The following VDAC2 variants were observed in gnomAD, a reference collection of about 807,000 sequenced individuals.
VDAC2 encodes voltage dependent anion channel 2, also known as non-selective voltage-gated ion channel VDAC2.
VDAC2 carries 6 observed loss-of-function variants against 36.6 expected under a neutral mutation model. The observed-to-expected ratio is 0.16, with a 90% CI of 0.09 to 0.32. The LOEUF (loss-of-function observed/expected upper bound fraction) is 0.32, where lower values mean the gene tolerates loss of function less well. Ranked by LOEUF, VDAC2 falls within the 10% of genes least tolerant of loss-of-function variation. The pLI is 1.00. For missense variants in VDAC2, 247 were observed against 346.0 expected (o/e 0.71, Z 2.27); for synonymous variants, 109 against 123.8 (o/e 0.88, Z 0.79).
rs1353199255 is a variant in VDAC2, at chr10:75,216,002, G to A, written c.150+1932G>A. Among the ~76,000 whole-genome samples, 3 of 152,344 alleles carry A rather than the reference G, an allele frequency of 2.0e-5. No homozygotes were observed. The East Asian group carries it at 5.8e-4, about 29-fold the overall frequency. ...ATTACAGGCGTGAGCCACAGCGCTAGCCCTGTAGTTTAAAAGCCTAGGCCT... is the reference window on the plus strand; with the variant it reads ...ATTACAGGCGTGAGCCACAGCGCTAACCCTGTAGTTTAAAAGCCTAGGCCT... On this transcript the variant is annotated intron_variant, in intron 4 of 9. Coordinates refer to ENST00000332211, the MANE Select transcript of VDAC2 (RefSeq NM_001391963.1).
At chr10:75,214,612 C>T (rs2132255624) in intron 4 of VDAC2, among the ~76,000 whole-genome samples, 1 of 152,216 alleles carries the variant, frequency 6.6e-6, no homozygotes, top group South Asian at 2.1e-4. Flanking sequence ...GCAACCTCCG[C>T]CTCCTGAGTT....
At chr10:75,216,247 C>T (rs1458631964) in intron 4 of VDAC2, among the ~76,000 whole-genome samples, 1 of 152,100 alleles carries the variant, frequency 6.6e-6, no homozygotes, top group Non-Finnish European at 1.5e-5. Flanking sequence ...AAGATTCAGT[C>T]CTTGTGTTTA....
chr10:75,212,770 C>T (rs1426165970), intron 3 of VDAC2, among the ~76,000 whole-genome samples: 1 of 152,198 alleles, frequency 6.6e-6, no homozygotes, highest in Admixed American at 6.5e-5. Context: ...TTACAGTCTA[C>T]ATCCCCCTCC....
intron 8 of VDAC2, among the ~76,000 whole-genome samples, chr10:75,223,782 G>A (rs1199600483): frequency 2.6e-5 from 4 of 152,112 alleles, no homozygotes; most frequent in Non-Finnish European, 5.9e-5. Context: ...TGGGGAGAGG[G>A]GCTGTAGGTT....
At chr10:75,213,649 C>CA (rs952780713) in intron 3 of VDAC2, among the ~76,000 whole-genome samples, 14 of 152,132 alleles carry the variant, frequency 9.2e-5, no homozygotes, top group Non-Finnish European at 2.1e-4. Context: ...GAGACTGAGG[C>CA]AGGAGAATCG....
At chr10:75,217,174 T>C (rs1164201783) in intron 4 of VDAC2, among the ~76,000 whole-genome samples, 1 of 152,136 alleles carries the variant, frequency 6.6e-6, no homozygotes, top group Non-Finnish European at 1.5e-5. Flanking sequence ...GGAGGATCGC[T>C]TGAGCCCAGG....
intron 4 of VDAC2, among the ~76,000 whole-genome samples, chr10:75,218,652 C>G (rs1244756681): frequency 6.6e-6 from 1 of 151,922 alleles, no homozygotes; most frequent in African/African-American, 2.4e-5. Flanking sequence ...ATCCCAGCTA[C>G]TTGGAAGGCT....
Position 75,230,980 on chromosome 10 carries a change from G to C in VDAC2, c.876G>C (p.Leu292Phe). ...GGHKVGLALELEA is the reference protein window; with the variant it reads ...GGHKVGLALEFEA The stretch of plus-strand genomic sequence containing the variant: ...ACAAGGTTGGGCTCGCCCTGGAGTT[G>C]GAGGCTTAATCCAGCTGAAAGAAAC... Residue 292 changes from leucine (L) to phenylalanine (F), a missense_variant, in exon 10 of 10, where the codon TTG (leucine) becomes TTC (phenylalanine). Coordinates refer to ENST00000332211, the MANE Select transcript of VDAC2 (RefSeq NM_001391963.1). 1 of 1,611,670 alleles carries C rather than the reference G, an allele frequency of 6.2e-7. No individual in the cohort carries two copies.
chr10:75,215,322 T>C (rs1411338499), intron 4 of VDAC2, among the ~76,000 whole-genome samples: 1 of 152,190 alleles, frequency 6.6e-6, no homozygotes, highest in African/African-American at 2.4e-5. Flanking sequence ...TATTTTGATA[T>C]ATGTATGTAT....
intron 4 of VDAC2, chr10:75,217,910 T>G (rs985456276): frequency 1.6e-6 from 2 of 1,287,512 alleles, no homozygotes; most frequent in Non-Finnish European, 1.0e-6. Flanking sequence ...CTGGCTGTAG[T>G]CTCTTTATTA....
At chr10:75,227,387 T>G (rs1035483590) in intron 8 of VDAC2, among the ~76,000 whole-genome samples, 3 of 152,058 alleles carry the variant, frequency 2.0e-5, no homozygotes, top group African/African-American at 7.2e-5. Flanking sequence ...GATCCGATGC[T>G]CTCTCTCCAG....
intron 4 of VDAC2, among the ~76,000 whole-genome samples, chr10:75,214,521 CT>C (rs1388932182): frequency 6.6e-6 from 1 of 152,036 alleles, no homozygotes; most frequent in Non-Finnish European, 1.5e-5. Context: ...TTAGGGAGTC[CT>C]GATCTGAATT....
intron 7 of VDAC2, 113 bp from the exon 8 acceptor site, chr10:75,222,139 A>G: frequency 8.6e-7 from 1 of 1,169,482 alleles, no homozygotes; most frequent in Non-Finnish European, 1.2e-6. Flanking sequence ...TGGAACACTA[A>G]AGACCCACTT....
chr10:75,217,268 G>A (rs570255273), intron 4 of VDAC2, among the ~76,000 whole-genome samples: 5 of 152,198 alleles, frequency 3.3e-5, no homozygotes, highest in African/African-American at 9.6e-5. Flanking sequence ...AAAAAAAACC[G>A]CAAAATGTTG....
At chr10:75,211,676 A>T (rs781214667) in intron 2 of VDAC2, 2 of 1,550,372 alleles carry the variant, frequency 1.3e-6, no homozygotes, top group Non-Finnish European at 1.7e-6. Flanking sequence ...TTGAAGCGCT[A>T]TTTGATATTT....
intron 7 of VDAC2, among the ~76,000 whole-genome samples, chr10:75,221,712 G>A (rs552068003): frequency 1.3e-5 from 2 of 152,190 alleles, no homozygotes; most frequent in South Asian, 2.1e-4. Flanking sequence ...GGCCTCAAGC[G>A]ATCCTCCCGC....
chr10:75,227,599 G>C (rs903101962), intron 8 of VDAC2, among the ~76,000 whole-genome samples: 7 of 16,344 alleles, frequency 4.3e-4, no homozygotes, highest in Non-Finnish European at 7.0e-4. Flanking sequence ...TTTTTTTTTT[G>C]GAGACAGAGT....
At chr10:75,223,866 CAG>C (rs1379070057) in intron 8 of VDAC2, among the ~76,000 whole-genome samples, 2 of 152,168 alleles carry the variant, frequency 1.3e-5, no homozygotes, top group East Asian at 1.9e-4. Context: ...CCCACAAGGA[CAG>C]AGGTCAGTGA....
intron 4 of VDAC2, among the ~76,000 whole-genome samples, chr10:75,217,433 A>G (rs898590977): frequency 2.6e-5 from 4 of 152,296 alleles, no homozygotes; most frequent in East Asian, 3.9e-4. Context: ...GCTAGAGTGC[A>G]GTGGTGCCAT....
Sources: allele counts gnomAD v4.1 joint callset (sites outside exome capture counted in the v4.1 genomes callset), GRCh38; gene constraint gnomAD v4.1.1; transcripts MANE v1.5; gene names NCBI Gene and HGNC (gene_info 2026-07-23, HGNC 2026-07-21).